DONSON: variants seen among roughly 807,000 people sequenced by gnomAD.
DONSON encodes DNA replication fork stabilization factor DONSON, also known as protein downstream neighbor of Son.
A neutral mutation model predicts 62.1 loss-of-function variants in DONSON; 43 were observed. The ratio of observed to expected loss-of-function variants is 0.69; its 90% CI spans 0.54 to 0.89. DONSON has a LOEUF of 0.89. Ranked by LOEUF, DONSON falls within the 40% of genes least tolerant of loss-of-function variation. The pLI is 0.00. For missense variants in DONSON, 696 were observed against 697.5 expected, an observed-to-expected ratio of 1.00 and a Z score of 0.03; for synonymous variants, 266 against 264.6, an observed-to-expected ratio of 1.01 and a Z score of -0.05.
rs571699289 is a variant in DONSON, at chr21:33,587,963, C to T, written c.321+358G>A. On this transcript the variant is annotated intron_variant, in intron 1 of 9. Transcript: ENST00000303071. Reference sequence around the variant, plus strand: ...GGGGAAGCAGGGCTTGTCACCTGCCCCATCGAACAGCGTCCTTGCAAGATG... The same window carrying T: ...GGGGAAGCAGGGCTTGTCACCTGCCTCATCGAACAGCGTCCTTGCAAGATG... 1.5e-3 allele frequency among the ~76,000 whole-genome samples: 230 copies of T among 152,280 alleles called. 1 individual carries two copies. Among genetic ancestry groups the T allele is most frequent in the African/African-American group, 5.0e-3 (207 of 41,556 alleles).
Position 33,579,450 on chromosome 21 carries a change from A to G in DONSON, c.1463T>C (p.Leu488Pro). 1.9e-6 allele frequency: 3 copies of G among 1,614,208 alleles called. No individual in the cohort carries two copies. The highest frequency in any genetic ancestry group is 1.7e-6 in the Non-Finnish European group (2 of 1,180,024). Residue 488 changes from leucine to proline, a missense_variant, in exon 9 of 10, where the codon CTC becomes CCC. By Grantham distance (98) the Leu-to-Pro change is moderately conservative (BLOSUM62 -3). Transcript: ENST00000303071. ...PHSLHSLTML[L>P]KSSQSGSFSA... ...GAAAGATCCACTCTGTGAAGATTTGAGCAGCATGGTCAGTGAATGCAGAGA... is the reference window on the plus strand; with the variant it reads ...GAAAGATCCACTCTGTGAAGATTTGGGCAGCATGGTCAGTGAATGCAGAGA...
At chr21:33,581,204 A>T in intron 8 of DONSON, 98 bp downstream of exon 8, 1 of 1,153,210 alleles carries the variant, frequency 8.7e-7, no homozygotes, top group Non-Finnish European at 1.2e-6. Flanking sequence ...GAAAATATGT[A>T]CCAAGTAAAA....
intron 6 of DONSON, 34 bp from the exon 7 acceptor site, chr21:33,582,089 A>C: frequency 6.2e-7 from 1 of 1,612,662 alleles, no homozygotes; most frequent in East Asian, 2.2e-5. Flanking sequence ...TCCCTATTTC[A>C]CAAGCTGTTC....
chr21:33,583,357 AAATAAAGAAAT>A (rs2145904181), intron 5 of DONSON, 120 bp downstream of exon 5: 1 of 801,912 alleles, frequency 1.2e-6, no homozygotes, highest in East Asian at 2.9e-5. Context: ...AAAAAGCCAG[AAATAAAGAAAT>A]AATATATTTC....
rs762881899 is a variant in DONSON, at chr21:33,587,521, C to T, written c.402+1G>A. On this transcript the variant is annotated splice_donor_variant, in intron 2 of 9. Transcript: ENST00000303071. LOFTEE classifies it high-confidence loss of function. ...TTCTAATGATATTTAAAAAGTATTA[C>T]CTGAGGTAATTCAGTAACAGTTGTT... The T allele has an allele frequency of 1.5e-5, 23 of 1,585,722 alleles. No homozygotes were observed. Among genetic ancestry groups the T allele is most frequent in the East Asian group, 2.2e-5 (1 of 44,578 alleles).
In DONSON at chr21:33,578,124, T is replaced by G; in HGVS notation, c.*183A>C. The stretch of plus-strand genomic sequence containing the variant: ...ATATCTCATTTGAGTTATCTGAGTT[T>G]TTCATCTTTATATCTAAAAATCTAA... On this transcript the variant is annotated 3_prime_UTR_variant, in exon 10 of 10. Transcript: ENST00000303071. 1.6e-6 allele frequency: 1 copy of G among 610,230 alleles called. No individual in the cohort carries two copies. Among genetic ancestry groups the G allele is most frequent in the Non-Finnish European group, 2.7e-6 (1 of 375,504 alleles). 37.8% of individuals were successfully genotyped at this position (610,230 alleles called of 1,614,324 possible).
chr21:33,588,309 C>T lies in DONSON; in HGVS notation c.321+12G>A, dbSNP rs13047013. ...CAAGAGCCCCTTGGCGGCCAGGCTACAAGACACTCACCGGGACCGGGGCCT... is the reference window on the plus strand; with the variant it reads ...CAAGAGCCCCTTGGCGGCCAGGCTATAAGACACTCACCGGGACCGGGGCCT... On this transcript the variant is annotated intron_variant, in intron 1 of 9. Coordinates refer to ENST00000303071, the MANE Select transcript of DONSON (RefSeq NM_017613.4). 3.7e-5 allele frequency: 47 copies of T among 1,276,094 alleles called. No individual in the cohort carries two copies. The African/African-American group carries it at 7.0e-4, about 19-fold the overall frequency. 79.0% of individuals were successfully genotyped at this position (1,276,094 alleles called of 1,614,324 possible). A position where few individuals can be genotyped will look rare whatever the true frequency, so the allele number is the denominator to read the frequency against.
intron 4 of DONSON, 145 bp downstream of exon 4, chr21:33,584,445 T>A: frequency 1.4e-6 from 1 of 712,586 alleles, no homozygotes; most frequent in South Asian, 2.8e-5. Flanking sequence ...ACAGTTTATA[T>A]GTTGGTTATT....
intron 4 of DONSON, among the ~76,000 whole-genome samples, chr21:33,584,045 T>C (rs905054505): frequency 7.5e-4 from 95 of 126,356 alleles, no homozygotes; most frequent in Non-Finnish European, 1.4e-3. Context: ...TATATATATA[T>C]ACTTTTTTTT....
chr21:33,583,782 T>TG, intron 4 of DONSON, 116 bp from the exon 5 acceptor site: 1 of 907,270 alleles, frequency 1.1e-6, no homozygotes. Context: ...TTTTAGATAA[T>TG]GGTTTTAATT....
chr21:33,578,537 G>A, intron 9 of DONSON, 93 bp from the exon 10 acceptor site: 3 of 1,309,376 alleles, frequency 2.3e-6, no homozygotes, highest in Non-Finnish European at 3.1e-6. Flanking sequence ...CAAATAAATG[G>A]CTGATTAATG....
At chr21:33,587,339 C>T in intron 2 of DONSON, 183 bp downstream of exon 2, 5 of 985,140 alleles carry the variant, frequency 5.1e-6, no homozygotes, top group Non-Finnish European at 6.0e-6. Context: ...ATCAAACCAA[C>T]TCCTTTACCT....
Position 33,588,523 on chromosome 21 carries a change from G to T in DONSON, c.119C>A (p.Thr40Lys). 8.0e-7 allele frequency: 1 copy of T among 1,252,446 alleles called. No individual in the cohort carries two copies. The highest frequency in any genetic ancestry group is 1.6e-5 in the African/African-American group (1 of 64,352). The allele number at this position is 1,252,446 out of a possible 1,614,324, so 77.6% of individuals were successfully genotyped here. Residue 40 changes from threonine (T) to lysine (K), a missense_variant, in exon 1 of 10, where the codon ACG (threonine) becomes AAG (lysine). Physicochemically the swap from Thr to Lys is moderately conservative, Grantham distance 78. Coordinates refer to ENST00000303071, the MANE Select transcript of DONSON (RefSeq NM_017613.4). ...GAAASPPREL[T>K]EPAARRAALV... The stretch of plus-strand genomic sequence containing the variant: ...GGCGGCTCGGCGGGCCGCCGGCTCC[G>T]TCAGCTCACGGGGCGGGGAGGCGGC...
rs1601317463 is a variant in DONSON, at chr21:33,585,958, C to T, written c.606+20G>A. On this transcript the variant is annotated intron_variant, in intron 3 of 9. Coordinates refer to ENST00000303071, the MANE Select transcript of DONSON (RefSeq NM_017613.4). ...CTTAATTTGTTACTTTAACACATAA[C>T]TATTTTATTTCAGAGTTACCTGTAT... is the stretch of plus-strand genomic sequence containing the variant. 1 of 1,612,126 alleles carries T rather than the reference C, an allele frequency of 6.2e-7. No individual in the cohort carries two copies. The highest frequency in any genetic ancestry group is 8.5e-7 in the Non-Finnish European group (1 of 1,178,280).
chr21:33,578,890 A>G (rs1384630415), intron 9 of DONSON, among the ~76,000 whole-genome samples: 1 of 152,188 alleles, frequency 6.6e-6, no homozygotes, highest in Non-Finnish European at 1.5e-5. Context: ...TAATCCCAAC[A>G]TTTTGGGAGG....
Position 33,584,789 on chromosome 21 carries a change from T to A in DONSON, c.607-21A>T, listed in dbSNP as rs551333356. The A allele has an allele frequency of 2.0e-6, 3 of 1,472,094 alleles. No individual in the cohort carries two copies. In the South Asian group the frequency reaches 4.4e-5, roughly 22 times the overall value. 91.2% of individuals were successfully genotyped at this position (1,472,094 alleles called of 1,614,324 possible). On this transcript the variant is annotated intron_variant, in intron 3 of 9. Coordinates refer to ENST00000303071, the MANE Select transcript of DONSON (RefSeq NM_017613.4). ...GGATCCTAAAATCCAAAGGTGACAG[T>A]GGGCAGTTTTTGCCCATTGAGAAAT...
intron 5 of DONSON, among the ~76,000 whole-genome samples, chr21:33,583,247 C>T (rs1457469600): frequency 2.4e-4 from 28 of 118,436 alleles, no homozygotes; most frequent in African/African-American, 9.8e-4. Context: ...TGATGTGTAA[C>T]AGTTTCATCC....
At chr21:33,580,578 A>C (rs978092589) in intron 8 of DONSON, among the ~76,000 whole-genome samples, 6 of 143,922 alleles carry the variant, frequency 4.2e-5, no homozygotes, top group African/African-American at 1.5e-4. Context: ...CACATGGTTG[A>C]GGCTGCAGTG....
chr21:33,585,628 G>A (rs967028637), intron 3 of DONSON, among the ~76,000 whole-genome samples: 3 of 152,000 alleles, frequency 2.0e-5, no homozygotes, highest in African/African-American at 7.3e-5. Flanking sequence ...AAGAAAATCT[G>A]TAAATCCATC....
Sources: allele counts gnomAD v4.1 joint callset (sites outside exome capture counted in the v4.1 genomes callset), GRCh38; gene constraint gnomAD v4.1.1; transcripts MANE v1.5; gene names NCBI Gene and HGNC (gene_info 2026-07-23, HGNC 2026-07-21).